RBFOX1: variants seen among roughly 807,000 people sequenced by gnomAD.
RBFOX1 encodes RNA binding fox-1 homolog 1, also known as RNA binding protein fox-1 homolog 1.
A neutral mutation model predicts 57.7 loss-of-function variants in RBFOX1; 8 were observed. The observed-to-expected ratio is 0.14, with a 90% CI of 0.08 to 0.25. RBFOX1 has a LOEUF of 0.25. Ranked by LOEUF, RBFOX1 falls within the 10% of genes least tolerant of loss-of-function variation. The pLI is 1.00. For synonymous variants in RBFOX1, 326 were observed against 222.4 expected, an observed-to-expected ratio of 1.47 and a Z score of -4.15; for missense variants, 611 against 548.5, an observed-to-expected ratio of 1.11 and a Z score of -1.14.
intron 2 of RBFOX1, among the ~76,000 whole-genome samples, chr16:6,328,162 A>G (rs547277099): frequency 6.6e-6 from 1 of 152,270 alleles, no homozygotes; most frequent in Admixed American, 6.5e-5. Context: ...GGGATTGGAG[A>G]CTATTATCCT....
chr16:5,245,165 C>T (rs2062266212), intron 1 of RBFOX1, among the ~76,000 whole-genome samples: 1 of 152,166 alleles, frequency 6.6e-6, no homozygotes, highest in Non-Finnish European at 1.5e-5. Context: ...AGGCGAGTCA[C>T]ATGATGGTGT....
At chr16:5,610,061 C>G (rs538675465) in intron 3 of RBFOX1, among the ~76,000 whole-genome samples, 96 of 152,320 alleles carry the variant, frequency 6.3e-4, no homozygotes, top group Middle Eastern at 3.4e-3. Flanking sequence ...GCACCACCCT[C>G]TGACATCCAG....
chr16:7,056,231 T>G (rs1297289563), intron 4 of RBFOX1, among the ~76,000 whole-genome samples: 1 of 152,174 alleles, frequency 6.6e-6, no homozygotes, highest in African/African-American at 2.4e-5. Flanking sequence ...GGGTCACTCT[T>G]CTCAGAGAAC....
chr16:7,417,866 G>T (rs148984837), intron 4 of RBFOX1, among the ~76,000 whole-genome samples: 1 of 152,066 alleles, frequency 6.6e-6, no homozygotes, highest in Non-Finnish European at 1.5e-5. Context: ...ACGCACTTTC[G>T]TTCCTCTGTC....
intron 4 of RBFOX1, among the ~76,000 whole-genome samples, chr16:7,180,471 A>C (rs1225412551): frequency 3.3e-5 from 5 of 152,116 alleles, no homozygotes; most frequent in Non-Finnish European, 7.4e-5. Flanking sequence ...GTTTTCAGAA[A>C]GTCTACACCA....
chr16:7,238,034 A>G (rs1161675681), intron 4 of RBFOX1, among the ~76,000 whole-genome samples: 2 of 152,340 alleles, frequency 1.3e-5, no homozygotes, highest in East Asian at 1.9e-4. Context: ...GATACATGCT[A>G]CAACATAGAT....
rs545163462 is a variant in RBFOX1, at chr16:5,445,841, A to G, written c.220-21375A>G. ...CTAAATCGCTTTTAAACAAGCGAAG[A>G]AGTTCTGTCGTCTGCAAAATAAAAC... On this transcript the variant is annotated intron_variant, in intron 1 of 2. Transcript: ENST00000585867. Among the ~76,000 whole-genome samples, 8 of 152,338 alleles carry G rather than the reference A, an allele frequency of 5.3e-5. 1 individual carries two copies. Among genetic ancestry groups the G allele is most frequent in the African/African-American group, 1.9e-4 (8 of 41,574 alleles).
intron 4 of RBFOX1, among the ~76,000 whole-genome samples, chr16:7,410,233 C>T (rs1382623451): frequency 6.6e-6 from 1 of 152,224 alleles, no homozygotes; most frequent in Non-Finnish European, 1.5e-5. Context: ...GTGCTGTAGG[C>T]ACTGCATATG....
At chr16:6,987,082 A>G (rs2090453502) in intron 3 of RBFOX1, among the ~76,000 whole-genome samples, 1 of 152,028 alleles carries the variant, frequency 6.6e-6, no homozygotes, top group Admixed American at 6.6e-5. Flanking sequence ...CATCCAAGCG[A>G]TCTATTAGCA....
intron 3 of RBFOX1, among the ~76,000 whole-genome samples, chr16:5,777,439 C>G (rs1342238298): frequency 1.3e-5 from 2 of 152,200 alleles, no homozygotes; most frequent in African/African-American, 4.8e-5. Flanking sequence ...GGCACATATT[C>G]AGATGAGACT....
intron 4 of RBFOX1, among the ~76,000 whole-genome samples, chr16:5,879,116 T>C (rs544553306): frequency 1.8e-4 from 27 of 152,276 alleles, no homozygotes; most frequent in African/African-American, 6.3e-4. Flanking sequence ...CTTGCAAAGC[T>C]CAGAGCTGCT....
intron 3 of RBFOX1, among the ~76,000 whole-genome samples, chr16:7,006,295 C>T (rs531620681): frequency 2.2e-4 from 33 of 152,154 alleles, no homozygotes; most frequent in African/African-American, 8.0e-4. Context: ...GCTGGGATTA[C>T]AGGTACACAC....
intron 1 of RBFOX1, among the ~76,000 whole-genome samples, chr16:6,285,960 C>T (rs555375811): frequency 1.3e-5 from 2 of 152,208 alleles, no homozygotes; most frequent in South Asian, 2.1e-4. Context: ...AACACACAGT[C>T]GGCGGAGCGT....
intron 3 of RBFOX1, among the ~76,000 whole-genome samples, chr16:6,928,370 T>G (rs373274016): frequency 8.5e-5 from 13 of 152,180 alleles, no homozygotes; most frequent in African/African-American, 3.1e-4. Flanking sequence ...AATCCTGATT[T>G]CTGGAGCCAA....
chr16:7,159,882 T>C (rs2077931560), intron 4 of RBFOX1, among the ~76,000 whole-genome samples: 2 of 152,242 alleles, frequency 1.3e-5, no homozygotes, highest in African/African-American at 2.4e-5. Flanking sequence ...TTTGATCATA[T>C]ATACTAATTA....
At chr16:6,931,328 T>TCG (rs1356502448) in intron 3 of RBFOX1, among the ~76,000 whole-genome samples, 1 of 120,358 alleles carries the variant, frequency 8.3e-6, no homozygotes, top group African/African-American at 3.8e-5. Context: ...TATCTATCTA[T>TCG]CTATCTATCT....
chr16:7,304,298 A>C (rs1387272960), intron 4 of RBFOX1: 1 of 831,780 alleles, frequency 1.2e-6, no homozygotes, highest in Non-Finnish European at 1.4e-6. Flanking sequence ...ATTAAAAAAG[A>C]AAAAAAAAAA....
At chr16:5,901,204 G>A (rs1006240374) in intron 4 of RBFOX1, among the ~76,000 whole-genome samples, 1 of 152,112 alleles carries the variant, frequency 6.6e-6, no homozygotes, top group Non-Finnish European at 1.5e-5. Context: ...GGCTGTATGT[G>A]GGGGCTACTT....
At chr16:6,735,843 G>A (rs1261329135) in intron 3 of RBFOX1, among the ~76,000 whole-genome samples, 7 of 152,166 alleles carry the variant, frequency 4.6e-5, no homozygotes, top group Non-Finnish European at 8.8e-5. Flanking sequence ...GCGGAGCATT[G>A]GTTACATAAT....
Sources: gnomAD v4.1 joint callset for allele counts (sites outside exome capture counted in the v4.1 genomes callset) on GRCh38, gnomAD v4.1.1 for gene constraint, MANE v1.5 for transcripts, NCBI Gene and HGNC (gene_info 2026-07-23, HGNC 2026-07-21) for gene names.